Variants in WDR70 observed in about 807,000 individuals in gnomAD.
WDR70 encodes the protein WD repeat-containing protein 70.
WDR70 carries 53 observed loss-of-function variants against 88.6 expected under a neutral mutation model. The observed-to-expected ratio is 0.60, with a 90% CI of 0.48 to 0.75. The LOEUF is 0.75. WDR70 is among the 30% of genes least tolerant of loss of function. The probability of loss-of-function intolerance (pLI) is 0.00; values close to 1 mark genes in which losing one functional copy is unlikely to be tolerated. For synonymous variants in WDR70, 280 were observed against 270.0 expected, an observed-to-expected ratio of 1.04 and a Z score of -0.36; for missense variants, 610 against 823.2, an observed-to-expected ratio of 0.74 and a Z score of 3.17.
chr5:37,416,577 G>A (rs186340003), intron 5 of WDR70, among the ~76,000 whole-genome samples: 5 of 149,918 alleles, frequency 3.3e-5, no homozygotes, highest in Admixed American at 3.3e-4. Flanking sequence ...GCTTGGGAGA[G>A]GGCTTCTTTT....
chr5:37,710,207 T>C (rs1747467854), intron 13 of WDR70, among the ~76,000 whole-genome samples: 2 of 152,184 alleles, frequency 1.3e-5, no homozygotes, highest in Admixed American at 6.5e-5. Flanking sequence ...TTTAAAAAAT[T>C]ATGATACTGT....
At chr5:37,406,299 C>T (rs1420835449) in intron 5 of WDR70, among the ~76,000 whole-genome samples, 1 of 152,216 alleles carries the variant, frequency 6.6e-6, no homozygotes, top group Admixed American at 6.5e-5. Context: ...CTCCAATTCC[C>T]TGTCTCCATT....
rs546354744 is a variant in WDR70, at chr5:37,583,370, G to A, written c.918-21694G>A. 8.0e-3 allele frequency among the ~76,000 whole-genome samples: 1,206 copies of A among 150,514 alleles called. 19 individuals carry two copies. Among genetic ancestry groups the A allele is most frequent in the African/African-American group, 0.028 (1,137 of 40,776 alleles). On this transcript the variant is annotated intron_variant, in intron 9 of 17. Transcript: ENST00000265107. ...CAGGAGGCAGAGCTTGCAGTGAGCC[G>A]AGATGGCGCCACTGCACTCCAGCCT...
intron 10 of WDR70, among the ~76,000 whole-genome samples, chr5:37,669,009 T>C (rs888071797): frequency 6.6e-6 from 1 of 152,194 alleles, no homozygotes; most frequent in South Asian, 2.1e-4. Context: ...ATTAATGGCA[T>C]AGAGCATTCT....
Position 37,605,048 on chromosome 5 carries a change from T to A in WDR70, c.918-16T>A. ...TTTTTTTTTAAATAAATGAAAAATCTCCTGATCATTTTTAGGACTGTGAGG... is the reference window on the plus strand; with the variant it reads ...TTTTTTTTTAAATAAATGAAAAATCACCTGATCATTTTTAGGACTGTGAGG... On this transcript the variant is annotated splice_polypyrimidine_tract_variant and intron_variant, in intron 9 of 17. Coordinates refer to ENST00000265107, the MANE Select transcript of WDR70 (RefSeq NM_018034.4). 6.4e-7 allele frequency: 1 copy of A among 1,559,046 alleles called. No individual in the cohort carries two copies. The highest frequency in any genetic ancestry group is 8.7e-7 in the Non-Finnish European group (1 of 1,155,192).
At chr5:37,537,830 T>C (rs1035450661) in intron 9 of WDR70, among the ~76,000 whole-genome samples, 2 of 152,190 alleles carry the variant, frequency 1.3e-5, no homozygotes, top group Non-Finnish European at 2.9e-5. Context: ...GTTACTTTCC[T>C]TCATACTGGA....
At chr5:37,449,601 AAAT>A (rs754660071) in intron 7 of WDR70, among the ~76,000 whole-genome samples, 1,095 of 81,832 alleles carry the variant, frequency 0.013, 21 homozygotes, top group African/African-American at 0.052. Context: ...AAAAAAAAAA[AAAT>A]AAAAAATAAA....
At chr5:37,593,878 A>G (rs1487332327) in intron 9 of WDR70, among the ~76,000 whole-genome samples, 1 of 152,086 alleles carries the variant, frequency 6.6e-6, no homozygotes, top group Non-Finnish European at 1.5e-5. Flanking sequence ...TGTGGGTTTG[A>G]TTTGCAGTTC....
chr5:37,680,795 A>C (rs149919822), intron 10 of WDR70, among the ~76,000 whole-genome samples: 149 of 152,272 alleles, frequency 9.8e-4, no homozygotes, highest in Middle Eastern at 6.8e-3. Context: ...TATTTTGGTT[A>C]CTGTTACCCT....
chr5:37,500,206 G>C (rs1207369859), intron 8 of WDR70, among the ~76,000 whole-genome samples: 1 of 152,144 alleles, frequency 6.6e-6, no homozygotes, highest in African/African-American at 2.4e-5. Flanking sequence ...TTCCATTCCT[G>C]AGTTACCTCA....
chr5:37,490,912 G>T (rs1740046824), intron 8 of WDR70, among the ~76,000 whole-genome samples: 1 of 152,162 alleles, frequency 6.6e-6, no homozygotes, highest in African/African-American at 2.4e-5. Context: ...GGGATGTCAT[G>T]GGGCCTCCAG....
At chr5:37,650,380 G>A (rs1040764123) in intron 10 of WDR70, among the ~76,000 whole-genome samples, 4 of 151,910 alleles carry the variant, frequency 2.6e-5, no homozygotes, top group African/African-American at 4.8e-5. Context: ...CAGCCTGGGC[G>A]ACAGAGTGAG....
chr5:37,667,739 A>G (rs1198918513), intron 10 of WDR70, among the ~76,000 whole-genome samples: 1 of 149,968 alleles, frequency 6.7e-6, no homozygotes, highest in Non-Finnish European at 1.5e-5. Context: ...AATATGTATT[A>G]TAAGCCCCTT....
intron 8 of WDR70, among the ~76,000 whole-genome samples, chr5:37,504,461 A>G (rs896710419): frequency 6.6e-6 from 1 of 152,188 alleles, no homozygotes; most frequent in Non-Finnish European, 1.5e-5. Context: ...GTTTTAGGTT[A>G]TTTCTACAGA....
intron 9 of WDR70, among the ~76,000 whole-genome samples, chr5:37,524,514 C>A (rs1272906267): frequency 1.3e-5 from 2 of 152,078 alleles, no homozygotes; most frequent in Non-Finnish European, 2.9e-5. Context: ...CGCTACCAGC[C>A]ACTGCAAAAA....
intron 10 of WDR70, among the ~76,000 whole-genome samples, chr5:37,605,440 T>C (rs1744009936): frequency 6.6e-6 from 1 of 152,212 alleles, no homozygotes; most frequent in Non-Finnish European, 1.5e-5. Flanking sequence ...TCTGTATTTT[T>C]CAGTACATAT....
intron 7 of WDR70, among the ~76,000 whole-genome samples, chr5:37,454,526 A>T (rs1738775147): frequency 6.6e-6 from 1 of 152,166 alleles, no homozygotes; most frequent in African/African-American, 2.4e-5. Flanking sequence ...AAAAACAGAT[A>T]CCTACTGTTT....
rs1740647911 is a variant in WDR70 at position 37,509,160 on chromosome 5, T to G, written c.841-7354T>G. Among the ~76,000 whole-genome samples the G allele has an allele frequency of 3.9e-5, 6 of 152,264 alleles. No homozygotes were observed. In the South Asian group the frequency reaches 1.2e-3, roughly 32 times the overall value. ...CTAAAAGTTTATCAACTTTATTGAT[T>G]TATTTTCTCCTACTTGCCTTCTTTT... On this transcript the variant is annotated intron_variant, in intron 8 of 17. Coordinates refer to ENST00000265107, the MANE Select transcript of WDR70 (RefSeq NM_018034.4).
intron 9 of WDR70, among the ~76,000 whole-genome samples, chr5:37,569,754 A>T (rs989988861): frequency 1.3e-5 from 2 of 152,198 alleles, no homozygotes; most frequent in Non-Finnish European, 2.9e-5. Flanking sequence ...ATACAGTGGA[A>T]TAGAAATTCT....
Sources: gnomAD v4.1 joint callset for allele counts (sites outside exome capture counted in the v4.1 genomes callset) on GRCh38, gnomAD v4.1.1 for gene constraint, MANE v1.5 for transcripts, NCBI Gene and HGNC (gene_info 2026-07-23, HGNC 2026-07-21) for gene names.